The following NUP37 variants were observed in gnomAD, a reference collection of about 807,000 sequenced individuals.
NUP37 encodes the protein nucleoporin 37, also known as nucleoporin Nup37.
A neutral mutation model predicts 45.4 loss-of-function variants in NUP37; 33 were observed. The ratio of observed to expected loss-of-function variants is 0.73; its 90% CI spans 0.55 to 0.97. The LOEUF (loss-of-function observed/expected upper bound fraction) is 0.97, where lower values mean the gene tolerates loss of function less well. Among genes scored for constraint, NUP37 ranks in the 50% least tolerant of loss-of-function variants. The pLI is 0.00. For missense variants in NUP37, 365 were observed against 389.7 expected (o/e 0.94, Z 0.53); for synonymous variants, 127 against 130.7 (o/e 0.97, Z 0.19).
At chr12:102,100,978 AAAAC>A in intron 4 of NUP37, 50 bp downstream of exon 4, 1 of 1,159,754 alleles carries the variant, frequency 8.6e-7, no homozygotes, top group Non-Finnish European at 1.2e-6. Flanking sequence ...AAAAAAGCAA[AAAAC>A]AAACACGTTT....
At chr12:102,078,870 T>C (rs1264177745) in intron 6 of NUP37, among the ~76,000 whole-genome samples, 1 of 152,224 alleles carries the variant, frequency 6.6e-6, no homozygotes, top group African/African-American at 2.4e-5. Flanking sequence ...AAATTAATTA[T>C]AATATAAATT....
At chr12:102,117,710 T>A (rs1014499865) in intron 2 of NUP37, among the ~76,000 whole-genome samples, 4 of 148,150 alleles carry the variant, frequency 2.7e-5, no homozygotes, top group African/African-American at 9.9e-5. Flanking sequence ...TTTAGTATAT[T>A]TACATATACT....
chr12:102,103,243 T>C (rs1470431711), intron 3 of NUP37, among the ~76,000 whole-genome samples: 1 of 152,194 alleles, frequency 6.6e-6, no homozygotes, highest in East Asian at 1.9e-4. Context: ...CAGGATATCT[T>C]TCCAATTATT....
intron 3 of NUP37, among the ~76,000 whole-genome samples, chr12:102,108,387 G>A (rs1421123567): frequency 1.3e-5 from 2 of 152,174 alleles, no homozygotes; most frequent in African/African-American, 4.8e-5. Context: ...TGGTTTGTCA[G>A]GGGCTCTTGG....
intron 5 of NUP37, among the ~76,000 whole-genome samples, chr12:102,098,901 G>A (rs1879891907): frequency 6.6e-6 from 1 of 152,158 alleles, no homozygotes; most frequent in South Asian, 2.1e-4. Context: ...TGGGAGGCAA[G>A]GAAGTTTTCA....
At chr12:102,118,710 A>C in intron 1 of NUP37, 127 bp from the exon 2 acceptor site, 1 of 522,062 alleles carries the variant, frequency 1.9e-6, no homozygotes. Context: ...AGTACTTATC[A>C]AGGGACAGAA....
In NUP37 at chr12:102,105,907, T is replaced by C. The variant is rs148936867; in HGVS notation, c.282-4803A>G. Among the ~76,000 whole-genome samples the C allele has an allele frequency of 5.0e-3, 757 of 151,394 alleles. 8 individuals carry two copies. The highest frequency in any genetic ancestry group is 0.018 in the African/African-American group (722 of 41,248). ...GTGTCCTCAAAAAGATAAGTCTATG[T>C]GTTAACCCCTGGTAACTACGAGTGC... On this transcript the variant is annotated intron_variant, in intron 3 of 9. Transcript: ENST00000552283.
At chr12:102,113,084 A>T (rs1324954031) in intron 2 of NUP37, among the ~76,000 whole-genome samples, 1 of 152,230 alleles carries the variant, frequency 6.6e-6, no homozygotes, top group Admixed American at 6.5e-5. Flanking sequence ...GGCAATGGAG[A>T]CAATAACCTG....
intron 3 of NUP37, among the ~76,000 whole-genome samples, chr12:102,105,517 C>T (rs1045654411): frequency 4.7e-5 from 7 of 150,170 alleles, no homozygotes; most frequent in African/African-American, 1.2e-4. Context: ...GTGACAGGAG[C>T]GAAACCCTGT....
At chr12:102,102,348 T>A (rs1187199221) in intron 3 of NUP37, among the ~76,000 whole-genome samples, 1 of 152,214 alleles carries the variant, frequency 6.6e-6, no homozygotes, top group Non-Finnish European at 1.5e-5. Flanking sequence ...AATGATTCTT[T>A]GTCCAAGGTC....
At chr12:102,094,346 T>C (rs1461819762) in intron 5 of NUP37, among the ~76,000 whole-genome samples, 2 of 152,150 alleles carry the variant, frequency 1.3e-5, no homozygotes, top group African/African-American at 2.4e-5. Context: ...ATCCTGATTA[T>C]ACTTTGTACC....
chr12:102,078,261 G>A (rs1166253223), intron 6 of NUP37, among the ~76,000 whole-genome samples: 1 of 151,908 alleles, frequency 6.6e-6, no homozygotes, highest in Non-Finnish European at 1.5e-5. Flanking sequence ...GAGAGGCAGA[G>A]GTTGCAGTGA....
intron 6 of NUP37, among the ~76,000 whole-genome samples, chr12:102,079,768 C>G (rs958371374): frequency 1.3e-5 from 2 of 152,064 alleles, no homozygotes; most frequent in African/African-American, 4.8e-5. Flanking sequence ...ACAAAAAGTA[C>G]AAAAATGTTA....
At chr12:102,101,010 AT>A (rs765405852) in intron 4 of NUP37, 21 bp downstream of exon 4, 1 of 1,376,470 alleles carries the variant, frequency 7.3e-7, no homozygotes, top group South Asian at 1.3e-5. Context: ...AGCTCTAAAG[AT>A]TTATATGGTT....
intron 5 of NUP37, among the ~76,000 whole-genome samples, chr12:102,096,147 G>A (rs1035751461): frequency 1.3e-5 from 2 of 152,038 alleles, no homozygotes; most frequent in African/African-American, 4.8e-5. Flanking sequence ...ATATTTGGAA[G>A]GCTACATTTT....
Position 102,074,458 on chromosome 12 carries a change from T to A in NUP37, c.877A>T (p.Met293Leu). ...CCAGATCCAACGGCTACAGAACCCA[T>A]GAGGATGGGCTATAAAATATGTGAA... ...HHLGHPQPIL[M>L]GSVAVGSGLS... is the part of the protein sequence containing the mutation. The change falls in exon 10 of 10, where the codon ATG becomes TTG. Residue 293 changes from methionine (M) to leucine (L), a missense_variant. By Grantham distance (15) the Met-to-Leu change is conservative. Coordinates refer to ENST00000552283, the MANE Select transcript of NUP37 (RefSeq NM_024057.4). 6.3e-7 allele frequency: 1 copy of A among 1,599,582 alleles called. No individual in the cohort carries two copies. Among genetic ancestry groups the A allele is most frequent in the South Asian group, 1.1e-5 (1 of 89,456 alleles).
rs1291824201 is a variant in NUP37 at position 102,073,232 on chromosome 12, G to T, written c.*1122C>A. Reference sequence around the variant, plus strand: ...GCAGGAATGGGCAGTTTGTCAAAATGTATTGGATTCTGTATGTGACTGACA... The same window carrying T: ...GCAGGAATGGGCAGTTTGTCAAAATTTATTGGATTCTGTATGTGACTGACA... On this transcript the variant is annotated 3_prime_UTR_variant, in exon 10 of 10. Coordinates refer to ENST00000552283, the MANE Select transcript of NUP37 (RefSeq NM_024057.4). 1 of 152,144 alleles carries T rather than the reference G, an allele frequency of 6.6e-6. No homozygotes were observed. The highest frequency in any genetic ancestry group is 1.5e-5 in the Non-Finnish European group (1 of 68,018). The allele number at this position is 152,144 out of a possible 1,614,324, so 9.4% of individuals were successfully genotyped here. A position where few individuals can be genotyped will look rare whatever the true frequency, so the allele number is the denominator to read the frequency against.
rs760328279 is a variant in NUP37, at chr12:102,099,128, C to A, written c.427G>T (p.Val143Leu). ...DPKEGQEIAS[V>L]SDDHTCRIWN... ...TACCTGCAGGTGTGATCGTCACTCA[C>A]ACTTGCAATTTCTTGGCCTTCTTTG... is the stretch of plus-strand genomic sequence containing the variant. Residue 143 changes from valine to leucine, a missense_variant, in exon 5 of 10, where the codon GTG (valine) becomes TTG (leucine). By Grantham distance (32) the Val-to-Leu change is conservative. Transcript: ENST00000552283. The A allele has an allele frequency of 1.2e-6, 2 of 1,613,152 alleles. No homozygotes were observed. The highest frequency in any genetic ancestry group is 2.2e-5 in the East Asian group (1 of 44,856).
intron 3 of NUP37, among the ~76,000 whole-genome samples, chr12:102,104,764 A>C (rs1880077405): frequency 6.6e-6 from 1 of 152,190 alleles, no homozygotes; most frequent in Non-Finnish European, 1.5e-5. Context: ...GGCTATGTGA[A>C]GGTATTTTTC....
Sources: allele counts gnomAD v4.1 joint callset (sites outside exome capture counted in the v4.1 genomes callset), GRCh38; gene constraint gnomAD v4.1.1; transcripts MANE v1.5; gene names NCBI Gene and HGNC (gene_info 2026-07-23, HGNC 2026-07-21).